The following LUZP2 variants were observed in gnomAD, a reference collection of about 807,000 sequenced individuals.
The protein encoded by LUZP2 is leucine zipper protein 2.
A neutral mutation model predicts 51.6 loss-of-function variants in LUZP2; 52 were observed. The ratio of observed to expected loss-of-function variants is 1.01; its 90% CI spans 0.81 to 1.27. The LOEUF is 1.27. Ranked by LOEUF, LUZP2 falls within the 50% of genes most tolerant of loss-of-function variation. The probability of loss-of-function intolerance (pLI) is 0.00; values close to 1 mark genes in which losing one functional copy is unlikely to be tolerated. For missense variants in LUZP2, 436 were observed against 395.4 expected (o/e 1.10, Z -0.87); for synonymous variants, 154 against 137.3 (o/e 1.12, Z -0.85).
intron 9 of LUZP2, among the ~76,000 whole-genome samples, chr11:25,000,942 G>A (rs761373060): frequency 3.3e-5 from 5 of 152,122 alleles, no homozygotes; most frequent in Non-Finnish European, 7.3e-5. Context: ...GGATAATGAA[G>A]TAGATAAACT....
At chr11:24,497,451 T>C in intron 1 of LUZP2, 146 bp downstream of exon 1, 1 of 496,816 alleles carries the variant, frequency 2.0e-6, no homozygotes, top group Non-Finnish European at 3.3e-6. Context: ...GTTTGGGCTC[T>C]GAAATCCTTC....
chr11:24,661,975 A>G (rs547833908), intron 1 of LUZP2, among the ~76,000 whole-genome samples: 1 of 152,260 alleles, frequency 6.6e-6, no homozygotes, highest in East Asian at 1.9e-4. Context: ...TTAATTCTCC[A>G]CAGTAACTTA....
rs533886449 is a variant in LUZP2, at chr11:24,565,668, T to C, written c.62+68363T>C. ...TATTTTTAAATGACCAAACTGATAA[T>C]ATAGCTAGAAGAAGTTTTAATATCA... On this transcript the variant is annotated intron_variant, in intron 1 of 11. Coordinates refer to ENST00000336930, the MANE Select transcript of LUZP2 (RefSeq NM_001009909.4). 7.2e-5 allele frequency among the ~76,000 whole-genome samples: 11 copies of C among 152,218 alleles called. No individual in the cohort carries two copies. The South Asian group carries it at 2.3e-3, about 32-fold the overall frequency.
At chr11:24,565,732 C>G (rs1159714131) in intron 1 of LUZP2, among the ~76,000 whole-genome samples, 1 of 151,888 alleles carries the variant, frequency 6.6e-6, no homozygotes, top group African/African-American at 2.4e-5. Flanking sequence ...AAAGAAAGTG[C>G]CAACAGCAAG....
chr11:24,750,942 A>G (rs1859558026), intron 4 of LUZP2, among the ~76,000 whole-genome samples: 1 of 152,152 alleles, frequency 6.6e-6, no homozygotes, highest in Admixed American at 6.5e-5. Flanking sequence ...CTACACTTTT[A>G]TAATCAAAAT....
At chr11:24,553,778 CTTTATA>C (rs1851787462) in intron 1 of LUZP2, among the ~76,000 whole-genome samples, 1 of 152,006 alleles carries the variant, frequency 6.6e-6, no homozygotes, top group South Asian at 2.1e-4. Context: ...GGTGTTTCTC[CTTTATA>C]TTTTTGTAAT....
intron 9 of LUZP2, among the ~76,000 whole-genome samples, chr11:25,032,583 A>G (rs1197858420): frequency 6.6e-6 from 1 of 152,146 alleles, no homozygotes; most frequent in Non-Finnish European, 1.5e-5. Context: ...TCATGCCCTT[A>G]GAATCATGGA....
chr11:25,028,979 C>T (rs543515761), intron 9 of LUZP2, among the ~76,000 whole-genome samples: 4 of 151,982 alleles, frequency 2.6e-5, no homozygotes, highest in South Asian at 2.1e-4. Context: ...AAGCCAGGCA[C>T]GGAAAGACAA....
chr11:24,861,034 C>G (rs552044217), intron 5 of LUZP2, among the ~76,000 whole-genome samples: 80 of 152,122 alleles, frequency 5.3e-4, no homozygotes, highest in African/African-American at 1.7e-3. Flanking sequence ...ATGTTCTAAC[C>G]CAATGCGAAG....
Position 24,763,228 on chromosome 11 carries a change from T to C in LUZP2, c.334-18T>C, listed in dbSNP as rs765852442. On this transcript the variant is annotated intron_variant, in intron 4 of 11. Transcript: ENST00000336930. ...ATGAGTTTGGAATGTGTCTACATAATAGTCTATTCATTTTCAGATTAATTT... is the reference window on the plus strand; with the variant it reads ...ATGAGTTTGGAATGTGTCTACATAACAGTCTATTCATTTTCAGATTAATTT... 8.4e-7 allele frequency: 1 copy of C among 1,190,970 alleles called. No individual in the cohort carries two copies. The allele number at this position is 1,190,970 out of a possible 1,614,324, so 73.8% of individuals were successfully genotyped here. A position where few individuals can be genotyped will look rare whatever the true frequency, so the allele number is the denominator to read the frequency against.
chr11:24,628,531 G>A (rs918155970), intron 1 of LUZP2, among the ~76,000 whole-genome samples: 6 of 151,940 alleles, frequency 3.9e-5, no homozygotes, highest in Non-Finnish European at 7.4e-5. Context: ...CTAAGTAATT[G>A]CCTCATACTG....
At chr11:24,650,330 A>T (rs1260753031) in intron 1 of LUZP2, among the ~76,000 whole-genome samples, 2 of 151,928 alleles carry the variant, frequency 1.3e-5, no homozygotes, top group African/African-American at 4.8e-5. Context: ...GCAAAATTCT[A>T]ATGATTTTCT....
At chr11:24,970,176 T>C (rs10767289) in intron 7 of LUZP2, among the ~76,000 whole-genome samples, 57,156 of 152,042 alleles carry the variant, frequency 0.38, 12,813 homozygotes, top group East Asian at 0.72. Flanking sequence ...AAGCAGCTAC[T>C]AGAGGTCTTG....
chr11:24,893,417 C>G (rs976378570), intron 5 of LUZP2: 1 of 152,020 alleles, frequency 6.6e-6, no homozygotes, highest in African/African-American at 2.4e-5. Context: ...TATTTCTATA[C>G]ACATGCACAC....
chr11:25,016,667 T>C (rs1278967507), intron 9 of LUZP2, among the ~76,000 whole-genome samples: 2 of 152,122 alleles, frequency 1.3e-5, no homozygotes, highest in African/African-American at 4.8e-5. Context: ...CTTTATCCAC[T>C]TATCAGTTGA....
At chr11:24,957,128 C>T (rs1855233231) in intron 7 of LUZP2, among the ~76,000 whole-genome samples, 1 of 152,078 alleles carries the variant, frequency 6.6e-6, no homozygotes, top group African/African-American at 2.4e-5. Context: ...GGCTTTTAAA[C>T]TGTTGGAGTG....
At position 24,848,072 on chromosome 11, in the gene LUZP2, T is replaced by C. The variant is rs1851259422; in HGVS notation, c.397-57919T>C. ...TTAGTAGGAGAGAGTATCTTGGGTT[T>C]CAGAGTGCTCATTGCTACTGGGTGT... On this transcript the variant is annotated intron_variant, in intron 5 of 11. Coordinates refer to ENST00000336930, the MANE Select transcript of LUZP2 (RefSeq NM_001009909.4). Among the ~76,000 whole-genome samples, 5 of 152,124 alleles carry C rather than the reference T, an allele frequency of 3.3e-5. No homozygotes were observed. The South Asian group carries it at 1.0e-3, about 31-fold the overall frequency.
intron 9 of LUZP2, among the ~76,000 whole-genome samples, chr11:25,028,673 C>T (rs759652779): frequency 1.3e-5 from 2 of 149,082 alleles, no homozygotes; most frequent in Non-Finnish European, 2.9e-5. Context: ...GAATTATGTA[C>T]CATTTTTAAT....
intron 7 of LUZP2, among the ~76,000 whole-genome samples, chr11:24,947,538 C>CT (rs1248429230): frequency 6.6e-6 from 1 of 151,748 alleles, no homozygotes; most frequent in Non-Finnish European, 1.5e-5. Context: ...CACTGGTGCT[C>CT]TTTTTTTCCC....
Sources: gnomAD v4.1 joint callset for allele counts (sites outside exome capture counted in the v4.1 genomes callset) on GRCh38, gnomAD v4.1.1 for gene constraint, MANE v1.5 for transcripts, NCBI Gene and HGNC (gene_info 2026-07-23, HGNC 2026-07-21) for gene names.